Variants in OSBPL6 observed in about 807,000 individuals in gnomAD.
The protein encoded by OSBPL6 is oxysterol binding protein like 6.
In OSBPL6, 49 loss-of-function variants were observed where a neutral mutation model predicts 125.8. That is an observed-to-expected ratio of 0.39 (90% CI 0.31 to 0.49). The LOEUF (loss-of-function observed/expected upper bound fraction) is 0.49. OSBPL6 is among the 20% of genes least tolerant of loss of function. The pLI, the probability that OSBPL6 is intolerant of heterozygous loss-of-function variation, is 0.88. For missense variants in OSBPL6, 986 were observed against 1,135.4 expected (o/e 0.87, Z 1.89); for synonymous variants, 394 against 391.8 (o/e 1.01, Z -0.07).
At chr2:178,252,869 G>T (rs1293778107) in intron 1 of OSBPL6, among the ~76,000 whole-genome samples, 1 of 151,930 alleles carries the variant, frequency 6.6e-6, no homozygotes, top group African/African-American at 2.4e-5. Flanking sequence ...TGATCTTTTG[G>T]CAAGTAATAC....
At chr2:178,195,586 A>G (rs334102) in intron 1 of OSBPL6, among the ~76,000 whole-genome samples, 86,741 of 152,098 alleles carry the variant, frequency 0.57, 25,272 homozygotes, top group East Asian at 0.79. Flanking sequence ...TGACAATTCT[A>G]TGATATACCT....
At chr2:178,303,618 C>G (rs2154056814) in intron 2 of OSBPL6, among the ~76,000 whole-genome samples, 1 of 152,278 alleles carries the variant, frequency 6.6e-6, no homozygotes, top group African/African-American at 2.4e-5. Flanking sequence ...CTAGATTTCC[C>G]TGAGCTCCAG....
chr2:178,245,345 AATGT>A (rs2091451489), intron 1 of OSBPL6, among the ~76,000 whole-genome samples: 1 of 152,206 alleles, frequency 6.6e-6, no homozygotes, highest in African/African-American at 2.4e-5. Context: ...ATGCTGTGAC[AATGT>A]ATGTATAGTT....
Position 178,336,408 on chromosome 2 carries a change from G to C in OSBPL6, c.765G>C (p.Ser255=), listed in dbSNP as rs763083631. Residue 255 remains serine, a synonymous_variant, in exon 9 of 25, where the codon TCG becomes TCC. Transcript: ENST00000190611. ...AAGTGGCAGCCTGGTTACAGGACTCGGAAGAGATGGACAGGTGTGCAGAAG... is the reference window on the plus strand; with the variant it reads ...AAGTGGCAGCCTGGTTACAGGACTCCGAAGAGATGGACAGGTGTGCAGAAG... ...QSKVAAWLQD[S]EEMDRCAEDL... 6.2e-6 allele frequency: 10 copies of C among 1,613,924 alleles called. No homozygotes were observed. Among genetic ancestry groups the C allele is most frequent in the Non-Finnish European group, 8.5e-6 (10 of 1,179,982 alleles).
At chr2:178,270,207 A>C (rs555654448) in intron 1 of OSBPL6, among the ~76,000 whole-genome samples, 1 of 152,298 alleles carries the variant, frequency 6.6e-6, no homozygotes, top group South Asian at 2.1e-4. Context: ...AAATTCTTCA[A>C]TTTGGCTCCC....
At chr2:178,264,671 C>T (rs2092171610) in intron 1 of OSBPL6, among the ~76,000 whole-genome samples, 1 of 152,172 alleles carries the variant, frequency 6.6e-6, no homozygotes. Context: ...ATTGCATATT[C>T]TCCAATGGGT....
rs773347573 is a variant in OSBPL6, at chr2:178,295,356, C to G, written c.-156+10235C>G. Among the ~76,000 whole-genome samples the G allele has an allele frequency of 3.2e-4, 49 of 152,176 alleles. 1 individual carries two copies. Among genetic ancestry groups the G allele is most frequent in the Non-Finnish European group, 5.1e-4 (35 of 68,042 alleles). ...CTAGCGGTTACTCCAAGGTTCAGCA[C>G]TATAGCCCACAAGCCAAATATGCAG... On this transcript the variant is annotated intron_variant, in intron 2 of 24. Coordinates refer to ENST00000190611, the MANE Select transcript of OSBPL6 (RefSeq NM_032523.4).
At chr2:178,196,388 T>C (rs2088888662) in intron 1 of OSBPL6, among the ~76,000 whole-genome samples, 1 of 152,170 alleles carries the variant, frequency 6.6e-6, no homozygotes, top group African/African-American at 2.4e-5. Flanking sequence ...AAAATTCTGG[T>C]TTTGCTCATA....
chr2:178,249,730 G>A (rs1267704342), intron 1 of OSBPL6, among the ~76,000 whole-genome samples: 1 of 151,660 alleles, frequency 6.6e-6, no homozygotes, highest in Non-Finnish European at 1.5e-5. Context: ...CTACAACCTT[G>A]GTTGTTATCA....
At chr2:178,391,700 C>T (rs952553495) in intron 22 of OSBPL6, among the ~76,000 whole-genome samples, 2 of 152,190 alleles carry the variant, frequency 1.3e-5, no homozygotes, top group African/African-American at 4.8e-5. Context: ...TAATAAAAGA[C>T]ATCAAAAGAG....
chr2:178,262,411 T>C (rs1264494510), intron 1 of OSBPL6, among the ~76,000 whole-genome samples: 6 of 152,160 alleles, frequency 3.9e-5, no homozygotes, highest in African/African-American at 1.4e-4. Context: ...TGAATGAAAA[T>C]GCAAATTTAC....
At chr2:178,282,984 T>C (rs540805980) in intron 1 of OSBPL6, among the ~76,000 whole-genome samples, 1 of 152,228 alleles carries the variant, frequency 6.6e-6, no homozygotes, top group Admixed American at 6.5e-5. Context: ...TGACAATTCA[T>C]ATTCCATCTG....
intron 1 of OSBPL6, among the ~76,000 whole-genome samples, chr2:178,198,981 T>G (rs571996730): frequency 6.6e-6 from 1 of 152,340 alleles, no homozygotes; most frequent in African/African-American, 2.4e-5. Context: ...TCAGTTGGCC[T>G]TGGGTATATT....
At chr2:178,319,941 A>G (rs1053983118) in intron 3 of OSBPL6, among the ~76,000 whole-genome samples, 1 of 152,246 alleles carries the variant, frequency 6.6e-6, no homozygotes, top group Non-Finnish European at 1.5e-5. Context: ...TAACATTCAG[A>G]GAGCAGTGGA....
At chr2:178,363,113 A>G (rs942647401) in intron 13 of OSBPL6, among the ~76,000 whole-genome samples, 11 of 152,194 alleles carry the variant, frequency 7.2e-5, no homozygotes, top group African/African-American at 2.7e-4. Context: ...AAGTGTTGCA[A>G]TGATTCCTTC....
intron 1 of OSBPL6, among the ~76,000 whole-genome samples, chr2:178,228,880 G>T (rs1177661103): frequency 6.6e-6 from 1 of 152,280 alleles, no homozygotes; most frequent in East Asian, 1.9e-4. Context: ...AATATATTTA[G>T]TTTACCATTA....
intron 3 of OSBPL6, chr2:178,320,473 T>C: frequency 1.3e-6 from 2 of 1,493,238 alleles, no homozygotes; most frequent in Non-Finnish European, 1.8e-6. Flanking sequence ...ACTTATAATT[T>C]TAGCATTTGA....
intron 3 of OSBPL6, among the ~76,000 whole-genome samples, chr2:178,309,769 G>C (rs566947183): frequency 6.6e-6 from 1 of 152,300 alleles, no homozygotes; most frequent in South Asian, 2.1e-4. Flanking sequence ...GACTCATTAA[G>C]CTGCAATAAA....
At chr2:178,336,172 G>C in intron 8 of OSBPL6, 129 bp from the exon 9 acceptor site, 1 of 1,196,004 alleles carries the variant, frequency 8.4e-7, no homozygotes, top group East Asian at 2.4e-5. Flanking sequence ...TAGCCAAGAG[G>C]CTTCTTCCAT....
Sources: gnomAD v4.1 joint callset for allele counts (sites outside exome capture counted in the v4.1 genomes callset) on GRCh38, gnomAD v4.1.1 for gene constraint, MANE v1.5 for transcripts, NCBI Gene and HGNC (gene_info 2026-07-23, HGNC 2026-07-21) for gene names.